Variants in BCL9 observed in about 807,000 individuals in gnomAD.
The protein encoded by BCL9 is B-cell CLL/lymphoma 9 protein.
Under a neutral mutation model 88.5 loss-of-function variants are expected in BCL9, and 25 were observed. The observed-to-expected ratio is 0.28, with a 90% CI of 0.21 to 0.39. The LOEUF is 0.39. Ranked by LOEUF, BCL9 falls within the 10% of genes least tolerant of loss-of-function variation. The pLI, the probability that BCL9 is intolerant of heterozygous loss-of-function variation, is 1.00. For synonymous variants in BCL9, 711 were observed against 673.3 expected (o/e 1.06, Z -0.87); for missense variants, 1,817 against 1,877.8 (o/e 0.97, Z 0.60).
Position 147,620,343 on chromosome 1 carries a change from T to G in BCL9, c.2188T>G (p.Ser730Ala), listed in dbSNP as rs1435957204. The G allele has an allele frequency of 6.2e-7, 1 of 1,614,032 alleles. No individual in the cohort carries two copies. The highest frequency in any genetic ancestry group is 8.5e-7 in the Non-Finnish European group (1 of 1,180,008). ...TCTAAATGTCAACATGGGATCCAAC[T>G]CTCAGATGATACCTCAGAAGATGAG... is the stretch of plus-strand genomic sequence containing the variant. Reference protein sequence around the residue: ...VNLNVNMGSNSQMIPQKMREA... With the variant: ...VNLNVNMGSNAQMIPQKMREA... The change falls in exon 8 of 10, where the codon TCT becomes GCT. Residue 730 changes from serine to alanine, a missense_variant. Transcript: ENST00000234739.
chr1:147,596,491 G>A (rs1351322074), intron 1 of BCL9, among the ~76,000 whole-genome samples: 2 of 142,728 alleles, frequency 1.4e-5, no homozygotes, highest in Non-Finnish European at 3.0e-5. Flanking sequence ...TAGGCTCACT[G>A]CAAGCTCCGC....
rs189615721 is a variant in BCL9, at chr1:147,552,466, C to T, written c.-478+10792C>T. Among the ~76,000 whole-genome samples the T allele has an allele frequency of 3.2e-3, 494 of 152,026 alleles. 4 individuals are homozygous for T. Among genetic ancestry groups the T allele is most frequent in the African/African-American group, 0.011 (462 of 41,440 alleles). On this transcript the variant is annotated intron_variant, in intron 1 of 9. Coordinates refer to ENST00000234739, the MANE Select transcript of BCL9 (RefSeq NM_004326.4). Reference sequence around the variant, plus strand: ...ACTAAAAAATACAAAATTAGCCAGGCGTGGTGGCGCATGCCTGTAATCCCA... The same window carrying T: ...ACTAAAAAATACAAAATTAGCCAGGTGTGGTGGCGCATGCCTGTAATCCCA...
Position 147,543,794 on chromosome 1 carries a change from T to G in BCL9, c.-478+2120T>G, listed in dbSNP as rs192534330. Among the ~76,000 whole-genome samples the G allele has an allele frequency of 2.3e-3, 354 of 152,272 alleles. 3 individuals are homozygous for G. The highest frequency in any genetic ancestry group is 8.0e-3 in the African/African-American group (334 of 41,534). On this transcript the variant is annotated intron_variant, in intron 1 of 9. Coordinates refer to ENST00000234739, the MANE Select transcript of BCL9 (RefSeq NM_004326.4). Reference sequence around the variant, plus strand: ...CTGTGGTAACATCTAGACCACACCCTGGGGTTCAGAGTACCCCAAGGGTCT... The same window carrying G: ...CTGTGGTAACATCTAGACCACACCCGGGGGTTCAGAGTACCCCAAGGGTCT...
chr1:147,617,127 A>T (rs1373238582), intron 7 of BCL9, among the ~76,000 whole-genome samples: 1 of 152,196 alleles, frequency 6.6e-6, no homozygotes, highest in Non-Finnish European at 1.5e-5. Flanking sequence ...CATCTTGACT[A>T]CTCAAGGGTA....
intron 1 of BCL9, among the ~76,000 whole-genome samples, chr1:147,601,041 G>A (rs1657363623): frequency 6.6e-6 from 1 of 152,144 alleles, no homozygotes. Context: ...ATGTCCAGAG[G>A]GAAGGAGAGG....
intron 1 of BCL9, among the ~76,000 whole-genome samples, chr1:147,553,987 G>C (rs1266718423): frequency 1.3e-5 from 2 of 152,142 alleles, no homozygotes; most frequent in African/African-American, 4.8e-5. Context: ...TACTCTACTT[G>C]TAAGTGCTCA....
At chr1:147,563,028 G>C (rs1166497047) in intron 1 of BCL9, among the ~76,000 whole-genome samples, 1 of 152,072 alleles carries the variant, frequency 6.6e-6, no homozygotes, top group Non-Finnish European at 1.5e-5. Flanking sequence ...TTCTGCCTCA[G>C]GGCCTTTGCA....
At chr1:147,618,559 C>G (rs992576494) in intron 7 of BCL9, among the ~76,000 whole-genome samples, 1 of 151,948 alleles carries the variant, frequency 6.6e-6, no homozygotes, top group Non-Finnish European at 1.5e-5. Context: ...CAGAGTGGCT[C>G]TCCCCTGGCA....
intron 1 of BCL9, among the ~76,000 whole-genome samples, chr1:147,574,221 GC>G (rs1184458876): frequency 6.6e-6 from 1 of 152,104 alleles, no homozygotes; most frequent in Non-Finnish European, 1.5e-5. Flanking sequence ...TAACTGCAAG[GC>G]AAAAGGCACT....
chr1:147,587,557 CAGG>C (rs1182726897), intron 1 of BCL9, among the ~76,000 whole-genome samples: 2 of 152,168 alleles, frequency 1.3e-5, no homozygotes, highest in Non-Finnish European at 2.9e-5. Flanking sequence ...TTAACCATGG[CAGG>C]AGGTCAATAA....
At chr1:147,578,025 C>A (rs1656190062) in intron 1 of BCL9, among the ~76,000 whole-genome samples, 1 of 152,048 alleles carries the variant, frequency 6.6e-6, no homozygotes, top group South Asian at 2.1e-4. Context: ...TGTAGAAAAC[C>A]TTCCCCTCTG....
Position 147,624,313 on chromosome 1 carries a change from C to A in BCL9, c.3635C>A (p.Pro1212His). ...TTCACTGTCCTGGGGAACAGCATGC[C>A]TTCGGTGTTTACAGACCCAGATCTG... ...DSFTVLGNSM[P>H]SVFTDPDLQE... The change falls in exon 10 of 10, where the codon CCT (proline) becomes CAT (histidine). Residue 1212 changes from proline (P) to histidine (H), a missense_variant. By Grantham distance (77) the Pro-to-His change is moderately conservative. Coordinates refer to ENST00000234739, the MANE Select transcript of BCL9 (RefSeq NM_004326.4). This position sits in a 1 kb window ranked among gnomAD's most constrained non-coding sequence, Gnocchi z 4.4. 6.2e-7 allele frequency: 1 copy of A among 1,614,176 alleles called. No individual in the cohort carries two copies. The highest frequency in any genetic ancestry group is 1.3e-5 in the African/African-American group (1 of 75,030).
chr1:147,615,823 A>G lies in BCL9; in HGVS notation c.581A>G (p.Lys194Arg), dbSNP rs1553203729. ...MANKAAEAVLKGQVETIVSFH... is the reference protein window; with the variant it reads ...MANKAAEAVLRGQVETIVSFH... ...TGCAGAGCTGCAGAAGCTGTTTTGA[A>G]GGGCCAGGTTGAAACTATCGTCTCT... The change falls in exon 7 of 10, where the codon AAG becomes AGG. Residue 194 changes from lysine (K) to arginine (R), a missense_variant. Lys to Arg is a conservative substitution (Grantham distance 26). Around this residue, in one of 2 missense-constraint regions of BCL9, gnomAD observed 1,228 missense variants for 1,191.6 expected, o/e 1.03. Transcript: ENST00000234739. 6.2e-7 allele frequency: 1 copy of G among 1,614,134 alleles called. No homozygotes were observed.
Position 147,611,983 on chromosome 1 carries a change from A to G in BCL9, c.53+94A>G, listed in dbSNP as rs1658029601. 5 of 1,320,346 alleles carry G rather than the reference A, an allele frequency of 3.8e-6. No individual in the cohort carries two copies. In the Admixed American group the frequency reaches 5.8e-5, roughly 15 times the overall value. The allele number at this position is 1,320,346 out of a possible 1,614,324, so 81.8% of individuals were successfully genotyped here. On this transcript the variant is annotated intron_variant, in intron 4 of 9. Transcript: ENST00000234739. ...TTGGTGAAACAGTATGTTGAATTAG[A>G]AATAAATGAAACCCAAATGGGAAAG... is the stretch of plus-strand genomic sequence containing the variant.
chr1:147,562,930 C>T (rs879958529), intron 1 of BCL9, among the ~76,000 whole-genome samples: 6 of 152,226 alleles, frequency 3.9e-5, no homozygotes, highest in Non-Finnish European at 5.9e-5. Flanking sequence ...CCCTGCTTTT[C>T]TCTGACCTCA....
intron 1 of BCL9, among the ~76,000 whole-genome samples, chr1:147,543,947 C>G (rs1185354335): frequency 2.0e-5 from 3 of 152,160 alleles, no homozygotes; most frequent in Non-Finnish European, 4.4e-5. Context: ...CTCTGCCCTG[C>G]TCATGTCATC....
At position 147,624,412 on chromosome 1, in the gene BCL9, C is replaced by A; in HGVS notation, c.3734C>A (p.Pro1245His). 1 of 1,614,202 alleles carries A rather than the reference C, an allele frequency of 6.2e-7. No homozygotes were observed. The highest frequency in any genetic ancestry group is 8.5e-7 in the Non-Finnish European group (1 of 1,180,028). The change falls in exon 10 of 10, where the codon CCC becomes CAC. Residue 1245 changes from proline to histidine, a missense_variant. Coordinates refer to ENST00000234739, the MANE Select transcript of BCL9 (RefSeq NM_004326.4). This position sits in a 1 kb window ranked among gnomAD's most constrained non-coding sequence, Gnocchi z 4.4. ...TCCCGCATTATTCCATCTGAGAAGC[C>A]CAGCCAGACGCTGCAATATTTCCCT... ...DLSRIIPSEK[P>H]SQTLQYFPRG...
At chr1:147,608,004 G>A (rs1173544390) in intron 3 of BCL9, among the ~76,000 whole-genome samples, 10 of 152,144 alleles carry the variant, frequency 6.6e-5, no homozygotes, top group Non-Finnish European at 1.2e-4. Flanking sequence ...AGGTAAAAAA[G>A]GGACCTGCAA....
rs1658578172 is a variant in BCL9, at chr1:147,620,667, C to A, written c.2512C>A (p.Gln838Lys). The change falls in exon 8 of 10, where the codon CAG becomes AAG. Residue 838 changes from glutamine (Q) to lysine (K), a missense_variant. This residue lies in a region of BCL9 where 1,228 missense variants were observed against 1,191.6 expected (regional missense o/e 1.03). Coordinates refer to ENST00000234739, the MANE Select transcript of BCL9 (RefSeq NM_004326.4). ...PTSLNTAPPV[Q>K]RGLGRKPLDI... ...CAGCCTCAACACAGCTCCTCCAGTT[C>A]AGCGCGGCCTGGGGCGGAAGCCCTT... The A allele has an allele frequency of 6.2e-7, 1 of 1,614,164 alleles. No homozygotes were observed. Among genetic ancestry groups the A allele is most frequent in the African/African-American group, 1.3e-5 (1 of 75,034 alleles).
Sources: allele counts gnomAD v4.1 joint callset (sites outside exome capture counted in the v4.1 genomes callset), GRCh38; gene constraint gnomAD v4.1.1; regional missense constraint gnomAD v4.1.1; non-coding constraint Gnocchi (gnomAD v3.1); transcripts MANE v1.5; gene names NCBI Gene and HGNC (gene_info 2026-07-23, HGNC 2026-07-21).